SORBS2: variants seen among roughly 807,000 people sequenced by gnomAD.
SORBS2 encodes sorbin and SH3 domain containing 2, also known as sorbin and SH3 domain-containing protein 2.
Under a neutral mutation model 97.7 loss-of-function variants are expected in SORBS2, and 46 were observed. The ratio of observed to expected loss-of-function variants is 0.47; its 90% CI spans 0.37 to 0.60. SORBS2 has a LOEUF of 0.60. Ranked by LOEUF, SORBS2 falls within the 20% of genes least tolerant of loss-of-function variation. The pLI is 0.00. For missense variants in SORBS2, 1,316 were observed against 1,282.3 expected, an observed-to-expected ratio of 1.03 and a Z score of -0.40; for synonymous variants, 476 against 473.4, an observed-to-expected ratio of 1.01 and a Z score of -0.07.
intron 1 of SORBS2, among the ~76,000 whole-genome samples, chr4:185,835,566 A>G (rs1460427941): frequency 1.3e-5 from 2 of 151,908 alleles, no homozygotes; most frequent in Non-Finnish European, 2.9e-5. Context: ...TTCCAGTGAC[A>G]ATTCATTTGC....
chr4:185,868,644 G>T (rs144867952), intron 1 of SORBS2, among the ~76,000 whole-genome samples: 1 of 152,050 alleles, frequency 6.6e-6, no homozygotes, highest in Non-Finnish European at 1.5e-5. Context: ...TGCCACCACC[G>T]GTTGTAATTT....
At chr4:185,819,582 G>A (rs527660182) in intron 1 of SORBS2, among the ~76,000 whole-genome samples, 3 of 152,342 alleles carry the variant, frequency 2.0e-5, no homozygotes, top group African/African-American at 7.2e-5. Flanking sequence ...TAGACAACAA[G>A]CTGCCTCTGC....
intron 1 of SORBS2, among the ~76,000 whole-genome samples, chr4:185,798,669 A>C (rs779692694): frequency 2.0e-5 from 3 of 152,186 alleles, no homozygotes; most frequent in Non-Finnish European, 4.4e-5. Context: ...GCGTCTCGAA[A>C]GCTAGTATAT....
intron 12 of SORBS2, among the ~76,000 whole-genome samples, chr4:185,611,187 T>A (rs1424663678): frequency 2.6e-5 from 4 of 152,110 alleles, no homozygotes; most frequent in Non-Finnish European, 4.4e-5. Flanking sequence ...ATAAACATCT[T>A]GACTTATAGA....
intron 1 of SORBS2, among the ~76,000 whole-genome samples, chr4:185,887,353 T>C (rs548736057): frequency 6.6e-6 from 1 of 152,378 alleles, no homozygotes; most frequent in Non-Finnish European, 1.5e-5. Context: ...TTCCCTCTTT[T>C]ATACAGTTCC....
intron 5 of SORBS2, among the ~76,000 whole-genome samples, chr4:185,627,374 T>G (rs2096833327): frequency 6.6e-6 from 1 of 152,262 alleles, no homozygotes; most frequent in Admixed American, 6.5e-5. Context: ...CTCACCTGGC[T>G]AATTTTTTTA....
rs775209042 is a variant in SORBS2, at chr4:185,874,866, T to TTTTTTTTTTTTTTTTTTTTTTTTTTTTTC, written c.-338+81329_-338+81330insGAAAAAAAAAAAAAAAAAAAAAAAAAAAA. On this transcript the variant is annotated intron_variant, in intron 1 of 20. Coordinates refer to the SORBS2 transcript ENST00000284776. ...GGTTTTACCTTACCCTGATTTTTTT[T>TTTTTTTTTTTTTTTTTTTTTTTTTTTTTC]TTTTTTGCATGCTACAGTATATTGT... Among the ~76,000 whole-genome samples, 2 of 113,442 alleles carry TTTTTTTTTTTTTTTTTTTTTTTTTTTTTC rather than the reference T, an allele frequency of 1.8e-5. 1 individual carries two copies. The highest frequency in any genetic ancestry group is 4.0e-5 in the Non-Finnish European group (2 of 49,748). The allele number at this position is 113,442 out of a possible 152,430, so 74.4% of individuals were successfully genotyped here.
At chr4:185,832,142 T>C (rs2099205490) in intron 1 of SORBS2, among the ~76,000 whole-genome samples, 1 of 152,228 alleles carries the variant, frequency 6.6e-6, no homozygotes, top group South Asian at 2.1e-4. Context: ...TCTTTGCACT[T>C]ATGCCATGAT....
intron 1 of SORBS2, among the ~76,000 whole-genome samples, chr4:185,891,446 A>C (rs1039464638): frequency 1.3e-5 from 2 of 152,222 alleles, no homozygotes; most frequent in Admixed American, 6.5e-5. Context: ...TAAGGAACAG[A>C]CGTACACAAT....
chr4:185,902,178 T>C (rs1279808667), intron 1 of SORBS2, among the ~76,000 whole-genome samples: 1 of 152,222 alleles, frequency 6.6e-6, no homozygotes, highest in Non-Finnish European at 1.5e-5. Context: ...AAAATGTTTC[T>C]TGTGATATCA....
At chr4:185,823,279 T>C (rs965059904) in intron 1 of SORBS2, among the ~76,000 whole-genome samples, 1 of 152,210 alleles carries the variant, frequency 6.6e-6, no homozygotes, top group African/African-American at 2.4e-5. Context: ...AGCTTCTAAA[T>C]TGATTGAGAC....
exon 3 of SORBS2, chr4:185,649,547 A>G (rs865893293): frequency 6.2e-7 from 1 of 1,606,522 alleles, no homozygotes; most frequent in Non-Finnish European, 8.5e-7. Flanking sequence ...GGGAGGACGC[A>G]TCCTTAAAGG....
intron 13 of SORBS2, among the ~76,000 whole-genome samples, chr4:185,591,085 C>CTA (rs2153357189): frequency 6.9e-6 from 1 of 144,300 alleles, no homozygotes; most frequent in Admixed American, 6.8e-5. Context: ...CAAAACTATT[C>CTA]TATCATTTAA....
In SORBS2 at chr4:185,622,895, G is replaced by T. The variant is rs1281665835; in HGVS notation, c.2215+19C>A. 2 of 1,563,790 alleles carry T rather than the reference G, an allele frequency of 1.3e-6. No homozygotes were observed. Among genetic ancestry groups the T allele is most frequent in the Middle Eastern group, 1.7e-4 (1 of 5,758 alleles). The stretch of plus-strand genomic sequence containing the variant: ...TGGGTCTCTGAACCACAAGGAAAAA[G>T]AAAGAAAAGCTCATCCACCTTGGAG... On this transcript the variant is annotated intron_variant, in intron 7 of 14. Coordinates refer to ENST00000418609, the Ensembl canonical transcript of SORBS2.
intron 1 of SORBS2, among the ~76,000 whole-genome samples, chr4:185,870,879 C>T (rs180785846): frequency 7.2e-5 from 11 of 152,292 alleles, no homozygotes; most frequent in African/African-American, 2.6e-4. Flanking sequence ...TTTCTGAACA[C>T]CTGCTATGCC....
At chr4:185,768,713 A>AAAAC (rs2098951803) in intron 2 of SORBS2, among the ~76,000 whole-genome samples, 1 of 59,444 alleles carries the variant, frequency 1.7e-5, no homozygotes, top group African/African-American at 8.5e-5. Flanking sequence ...AAAAAAAAAC[A>AAAAC]AAAAAACAAA....
chr4:185,850,308 G>A (rs2099217119), intron 1 of SORBS2, among the ~76,000 whole-genome samples: 1 of 152,184 alleles, frequency 6.6e-6, no homozygotes, highest in African/African-American at 2.4e-5. Flanking sequence ...AGTTCTCAAG[G>A]CAGTCTTGCT....
At position 185,649,661 on chromosome 4, in the gene SORBS2, C is replaced by A. The variant is rs2097276410; in HGVS notation, c.92-5G>T. On this transcript the variant is annotated splice_region_variant and splice_polypyrimidine_tract_variant and intron_variant, in intron 2 of 14. Transcript: ENST00000418609. ...TGTAGGGTGGGTTGTACAGACCTAT[C>A]ATGACAAAAAACAAAAGCAGACAAA... is the stretch of plus-strand genomic sequence containing the variant. The A allele has an allele frequency of 7.3e-7, 1 of 1,365,674 alleles. No individual in the cohort carries two copies. The highest frequency in any genetic ancestry group is 9.5e-7 in the Non-Finnish European group (1 of 1,050,818). The allele number at this position is 1,365,674 out of a possible 1,614,324, so 84.6% of individuals were successfully genotyped here. A position where few individuals can be genotyped will look rare whatever the true frequency, so the allele number is the denominator to read the frequency against.
chr4:185,636,241 T>C (rs1400944687), intron 4 of SORBS2, among the ~76,000 whole-genome samples: 1 of 152,184 alleles, frequency 6.6e-6, no homozygotes, highest in Non-Finnish European at 1.5e-5. Context: ...AAAATACATT[T>C]ACATTCACAC....
Sources: gnomAD v4.1 joint callset for allele counts (sites outside exome capture counted in the v4.1 genomes callset) on GRCh38, gnomAD v4.1.1 for gene constraint, MANE v1.5 for transcripts, NCBI Gene and HGNC (gene_info 2026-07-23, HGNC 2026-07-21) for gene names.